The following EXOC1 variants were observed in gnomAD, a reference collection of about 807,000 sequenced individuals.
EXOC1 encodes SEC3-like 1.
Under a neutral mutation model 107.7 loss-of-function variants are expected in EXOC1, and 67 were observed. The ratio of observed to expected loss-of-function variants is 0.62; its 90% confidence interval spans 0.51 to 0.76. The LOEUF is 0.76. Among genes scored for constraint, EXOC1 ranks in the 30% least tolerant of loss-of-function variants. The probability of loss-of-function intolerance (pLI) is 0.00; values close to 1 mark genes in which losing one functional copy is unlikely to be tolerated. For missense variants in EXOC1, 833 were observed against 1,055.7 expected (o/e 0.79, Z 2.92); for synonymous variants, 348 against 353.5 (o/e 0.98, Z 0.17).
At position 55,880,667 on chromosome 4, in the gene EXOC1, T is replaced by G. The variant is rs886873891; in HGVS notation, c.1224+2601T>G. Among the ~76,000 whole-genome samples, 4 of 152,228 alleles carry G rather than the reference T, an allele frequency of 2.6e-5. No homozygotes were observed. In the East Asian group the frequency reaches 5.8e-4, roughly 22 times the overall value. On this transcript the variant is annotated intron_variant, in intron 9 of 18. Transcript: ENST00000381295. ...TGCCTAATTGTGTTCCCAGTGAGTATTATTGCCCTATCTTTATATATAATG... is the reference window on the plus strand; with the variant it reads ...TGCCTAATTGTGTTCCCAGTGAGTAGTATTGCCCTATCTTTATATATAATG...
At chr4:55,890,835 T>C (rs895774604) in intron 12 of EXOC1, among the ~76,000 whole-genome samples, 4 of 152,192 alleles carry the variant, frequency 2.6e-5, no homozygotes, top group Non-Finnish European at 5.9e-5. Context: ...GTTCAAGCAG[T>C]TCTTCTGCCT....
At chr4:55,889,227 T>C (rs1274193634) in intron 11 of EXOC1, among the ~76,000 whole-genome samples, 1 of 152,238 alleles carries the variant, frequency 6.6e-6, no homozygotes, top group African/African-American at 2.4e-5. Flanking sequence ...TATATAGATA[T>C]GGTCGGATTT....
chr4:55,873,592 A>G (rs1481670943), intron 8 of EXOC1, among the ~76,000 whole-genome samples: 1 of 152,154 alleles, frequency 6.6e-6, no homozygotes, highest in Non-Finnish European at 1.5e-5. Context: ...CTTGTAAACT[A>G]ATGGCCTCGT....
Position 55,904,403 on chromosome 4 carries a change from A to G in EXOC1, c.2593A>G (p.Ile865Val). ...IRQYKHFEGL[I>V]ARCYPGSGVT... ...CCAGTATAAGCACTTTGAAGGTTTGATAGCTCGCTGTTATCCTGGATCTGG... is the reference window on the plus strand; with the variant it reads ...CCAGTATAAGCACTTTGAAGGTTTGGTAGCTCGCTGTTATCCTGGATCTGG... The change falls in exon 19 of 19, where the codon ATA (isoleucine) becomes GTA (valine). Residue 865 changes from isoleucine to valine, a missense_variant. Physicochemically the swap from Ile to Val is conservative, Grantham distance 29. Coordinates refer to ENST00000381295, the MANE Select transcript of EXOC1 (RefSeq NM_001024924.2). 1 of 1,612,500 alleles carries G rather than the reference A, an allele frequency of 6.2e-7. No homozygotes were observed. Among genetic ancestry groups the G allele is most frequent in the Non-Finnish European group, 8.5e-7 (1 of 1,179,646 alleles).
At chr4:55,871,987 A>G (rs1167742423) in intron 8 of EXOC1, 29 bp downstream of exon 8, 7 of 1,582,856 alleles carry the variant, frequency 4.4e-6, no homozygotes, top group South Asian at 1.1e-5. Context: ...TAAAACGAGC[A>G]TGTTCCTATA....
At chr4:55,864,583 A>T in intron 4 of EXOC1, among the ~76,000 whole-genome samples, 197 bp downstream of exon 4, 1 of 152,188 alleles carries the variant, frequency 6.6e-6, no homozygotes, top group East Asian at 1.9e-4. Flanking sequence ...AAAACCACTT[A>T]TTCTTCAGCA....
chr4:55,862,301 A>G (rs1577693834), intron 3 of EXOC1, among the ~76,000 whole-genome samples: 1 of 150,830 alleles, frequency 6.6e-6, no homozygotes, highest in East Asian at 1.9e-4. Flanking sequence ...TGCCTCTTGC[A>G]GACTTGCTTA....
rs78378740 is a variant in EXOC1 at position 55,867,541 on chromosome 4, G to A, written c.416-795G>A. ...CCTAACCTCAAGCTTTATATACAGTGCTCACATGCTAGTGTATTTCCTCAA... is the reference window on the plus strand; with the variant it reads ...CCTAACCTCAAGCTTTATATACAGTACTCACATGCTAGTGTATTTCCTCAA... On this transcript the variant is annotated intron_variant, in intron 4 of 18. Transcript: ENST00000381295. Among the ~76,000 whole-genome samples the A allele has an allele frequency of 2.6e-3, 384 of 148,630 alleles. 11 individuals are homozygous for A. The East Asian group carries it at 0.064, about 25-fold the overall frequency.
At chr4:55,885,513 A>T (rs1723791867) in intron 10 of EXOC1, 1 of 152,324 alleles carries the variant, frequency 6.6e-6, no homozygotes, top group East Asian at 1.9e-4. Flanking sequence ...AAGTGTTAAG[A>T]TCACATATCT....
In EXOC1 at chr4:55,892,631, G is replaced by T. The variant is rs199514490; in HGVS notation, c.1648-4G>T. On this transcript the variant is annotated splice_polypyrimidine_tract_variant and splice_region_variant and intron_variant, in intron 13 of 18. Coordinates refer to ENST00000381295, the MANE Select transcript of EXOC1 (RefSeq NM_001024924.2). ...TATGTAAAGTGCCTGAATAATTTTT[G>T]CAGGCTGAAGCAGAGGACCTGGATG... is the stretch of plus-strand genomic sequence containing the variant. 435 of 1,613,516 alleles carry T rather than the reference G, an allele frequency of 2.7e-4. 1 individual carries two copies. The highest frequency in any genetic ancestry group is 2.6e-4 in the Non-Finnish European group (311 of 1,179,608).
intron 1 of EXOC1, among the ~76,000 whole-genome samples, chr4:55,857,164 T>TTTC (rs1292074409): frequency 7.1e-6 from 1 of 141,704 alleles, no homozygotes; most frequent in African/African-American, 2.7e-5. Context: ...CATTTCCTTT[T>TTTC]TTTCTTTTTT....
Position 55,883,809 on chromosome 4 carries a change from A to T in EXOC1, c.1225-14A>T. On this transcript the variant is annotated splice_polypyrimidine_tract_variant and intron_variant, in intron 9 of 18. Transcript: ENST00000381295. The stretch of plus-strand genomic sequence containing the variant: ...GTTTTATTAATAAGAAGTACATGTT[A>T]CTTTTATTTTAAGAATTACATGGAT... 6.7e-7 allele frequency: 1 copy of T among 1,481,496 alleles called. No individual in the cohort carries two copies. Among genetic ancestry groups the T allele is most frequent in the Non-Finnish European group, 9.2e-7 (1 of 1,085,420 alleles). The allele number at this position is 1,481,496 out of a possible 1,614,324, so 91.8% of individuals were successfully genotyped here.
intron 14 of EXOC1, among the ~76,000 whole-genome samples, chr4:55,893,235 T>C (rs2109467974): frequency 6.6e-6 from 1 of 152,292 alleles, no homozygotes; most frequent in Non-Finnish European, 1.5e-5. Flanking sequence ...TTCTCCTGAC[T>C]CAGCCTCCCA....
intron 9 of EXOC1, 26 bp downstream of exon 9, chr4:55,878,092 C>T: frequency 1.2e-6 from 2 of 1,607,696 alleles, no homozygotes; most frequent in Non-Finnish European, 8.5e-7. Flanking sequence ...CATTTACTCA[C>T]TGAGAATAGA....
In EXOC1 at chr4:55,871,081, T is replaced by C. The variant is rs748184834; in HGVS notation, c.832-20T>C. 3 of 1,609,278 alleles carry C rather than the reference T, an allele frequency of 1.9e-6. No individual in the cohort carries two copies. Among genetic ancestry groups the C allele is most frequent in the East Asian group, 4.5e-5 (2 of 44,750 alleles). ...TTCCCAAAATTACACATGCAAATGG[T>C]GTGTTTGCATATATTCTAGAACCAC... On this transcript the variant is annotated intron_variant, in intron 6 of 18. Transcript: ENST00000381295.
intron 18 of EXOC1, among the ~76,000 whole-genome samples, chr4:55,903,098 C>T (rs1726158119): frequency 6.7e-6 from 1 of 148,350 alleles, no homozygotes; most frequent in East Asian, 2.0e-4. Context: ...GAACTATGAT[C>T]CTACCACTGC....
intron 4 of EXOC1, among the ~76,000 whole-genome samples, chr4:55,865,575 T>C (rs1721883227): frequency 6.6e-6 from 1 of 152,240 alleles, no homozygotes; most frequent in Non-Finnish European, 1.5e-5. Flanking sequence ...CGAATGGCTT[T>C]TATTTTTTTT....
In EXOC1 at chr4:55,870,825, C is replaced by T; in HGVS notation, c.751C>T (p.Gln251Ter). The T allele has an allele frequency of 1.2e-6, 2 of 1,613,812 alleles. No individual in the cohort carries two copies. The highest frequency in any genetic ancestry group is 1.7e-6 in the Non-Finnish European group (2 of 1,179,906). ...MLQSVKEQMD[Q>*]ISESNHLIHL... The stretch of plus-strand genomic sequence containing the variant: ...CCAAAGTGTAAAAGAACAAATGGAT[C>T]AGATCTCTGAAAGCAACCACCTAAT... The change falls in exon 6 of 19, where the codon CAG becomes TAG. Residue 251 changes from glutamine (Q) to a stop codon, truncating the protein, a stop_gained. Coordinates refer to ENST00000381295, the MANE Select transcript of EXOC1 (RefSeq NM_001024924.2). LOFTEE classifies it high-confidence loss of function.
At chr4:55,894,181 C>A (rs551368115) in intron 15 of EXOC1, among the ~76,000 whole-genome samples, 1 of 151,988 alleles carries the variant, frequency 6.6e-6, no homozygotes, top group East Asian at 1.9e-4. Context: ...AAAAATTAGC[C>A]GGGCGTGGTA....
Sources: allele counts gnomAD v4.1 joint callset (sites outside exome capture counted in the v4.1 genomes callset), GRCh38; gene constraint gnomAD v4.1.1; transcripts MANE v1.5; gene names NCBI Gene and HGNC (gene_info 2026-07-23, HGNC 2026-07-21).